SPRR2G: variants seen among roughly 807,000 people sequenced by gnomAD.
The protein encoded by SPRR2G is small proline-rich protein 2G.
SPRR2G carries 1 observed loss-of-function variant against 0.7 expected under a neutral mutation model. That is an observed-to-expected ratio of 1.49 (90% confidence interval 0.53 to 7.06). SPRR2G has a LOEUF of 7.06. Ranked by LOEUF, SPRR2G falls within the 30% of genes most tolerant of loss-of-function variation. SPRR2G has a pLI of 0.14. For missense variants in SPRR2G, 96 were observed against 88.5 expected, an observed-to-expected ratio of 1.09 and a Z score of -0.34; for synonymous variants, 38 against 33.9, an observed-to-expected ratio of 1.12 and a Z score of -0.42.
upstream of SPRR2G, among the ~76,000 whole-genome samples, chr1:153,154,418 T>C (rs1446982968): frequency 2.0e-5 from 3 of 152,132 alleles, no homozygotes; most frequent in East Asian, 5.8e-4. Flanking sequence ...AGTTTAATAA[T>C]AATTTATTAA....
At chr1:153,191,526 C>T in the SPRR2G span, 1 of 152,190 alleles carries the variant, frequency 6.6e-6, no homozygotes, top group Non-Finnish European at 1.5e-5. Flanking sequence ...ACACATTTTA[C>T]ATAAGTAGAT....
the SPRR2G span, among the ~76,000 whole-genome samples, chr1:153,162,217 T>C: frequency 0.47 from 71,624 of 151,876 alleles, 17,933 homozygotes; most frequent in Non-Finnish European, 0.57. Context: ...GTCCATGTGT[T>C]CTCATCATTT....
chr1:153,176,354 T>C, the SPRR2G span: 2 of 152,212 alleles, frequency 1.3e-5, no homozygotes, highest in African/African-American at 4.8e-5. Context: ...CCATTGTCCA[T>C]GTCTGCTTGT....
At position 153,149,726 on chromosome 1, in the gene SPRR2G, T is replaced by C. The variant is rs1656416353; in HGVS notation, c.*163A>G. 8.1e-6 allele frequency: 7 copies of C among 864,958 alleles called. No homozygotes were observed. Among genetic ancestry groups the C allele is most frequent in the Admixed American group, 4.5e-5 (2 of 44,252 alleles). 53.6% of individuals were successfully genotyped at this position (864,958 alleles called of 1,614,324 possible). On this transcript the variant is annotated 3_prime_UTR_variant, in exon 2 of 2. Coordinates refer to ENST00000368748, the MANE Select transcript of SPRR2G (RefSeq NM_001014291.4). ...TGGCTGCTCATCTTCCAACAACATA[T>C]CGGTTTTCAGAACTAAGCCTTTTCT...
At chr1:153,196,183 C>T in the SPRR2G span, among the ~76,000 whole-genome samples, 1 of 152,176 alleles carries the variant, frequency 6.6e-6, no homozygotes, top group South Asian at 2.1e-4. Context: ...ATTCATCTTA[C>T]TTAATTATTT....
the SPRR2G span, among the ~76,000 whole-genome samples, chr1:153,198,155 G>A: frequency 2.6e-5 from 4 of 152,052 alleles, no homozygotes; most frequent in South Asian, 2.1e-4. Context: ...GGGAGGACTC[G>A]GCTGGCAGAG....
the SPRR2G span, among the ~76,000 whole-genome samples, chr1:153,168,956 A>C: frequency 6.8e-6 from 1 of 147,088 alleles, no homozygotes; most frequent in South Asian, 2.3e-4. Flanking sequence ...GGCATGTTAG[A>C]TCATCAAATA....
chr1:153,181,141 T>C, the SPRR2G span, among the ~76,000 whole-genome samples: 4 of 152,192 alleles, frequency 2.6e-5, no homozygotes, highest in Non-Finnish European at 5.9e-5. Context: ...AAATCCAATT[T>C]GTCATTTTTC....
the SPRR2G span, among the ~76,000 whole-genome samples, chr1:153,200,063 A>G: frequency 1.3e-5 from 2 of 152,256 alleles, no homozygotes; most frequent in Admixed American, 1.3e-4. Flanking sequence ...ATATGCAGAC[A>G]TACAGGGCCT....
At chr1:153,176,455 T>G in the SPRR2G span, 82 of 152,298 alleles carry the variant, frequency 5.4e-4, no homozygotes, top group African/African-American at 1.9e-3. Context: ...TTGGAAACTT[T>G]TATCCTAGAT....
the SPRR2G span, among the ~76,000 whole-genome samples, chr1:153,182,386 T>G: frequency 6.6e-6 from 1 of 151,940 alleles, no homozygotes; most frequent in Admixed American, 6.6e-5. Flanking sequence ...TTTTTTTTTA[T>G]TATACTTAAA....
chr1:153,161,991 G>T, the SPRR2G span, among the ~76,000 whole-genome samples: 6 of 151,858 alleles, frequency 4.0e-5, no homozygotes, highest in Non-Finnish European at 5.9e-5. Context: ...TGGTGGTGGT[G>T]GTTGTTGTTG....
At chr1:153,159,937 G>T in the SPRR2G span, among the ~76,000 whole-genome samples, 18 of 152,304 alleles carry the variant, frequency 1.2e-4, no homozygotes, top group African/African-American at 3.6e-4. Flanking sequence ...TGAGATTTGG[G>T]TGGGTACACA....
chr1:153,162,841 A>C, the SPRR2G span, among the ~76,000 whole-genome samples: 1 of 152,176 alleles, frequency 6.6e-6, no homozygotes, highest in African/African-American at 2.4e-5. Flanking sequence ...TGAGCCCCTT[A>C]GGGCAGAGAT....
At chr1:153,182,025 T>G in the SPRR2G span, among the ~76,000 whole-genome samples, 2 of 152,158 alleles carry the variant, frequency 1.3e-5, no homozygotes, top group East Asian at 3.9e-4. Context: ...CTGTATTAAT[T>G]TGCATACCCA....
the SPRR2G span, among the ~76,000 whole-genome samples, chr1:153,160,765 C>T: frequency 6.6e-6 from 1 of 151,206 alleles, no homozygotes; most frequent in African/African-American, 2.5e-5. Context: ...GATTATAAAA[C>T]ATGCTGCTAT....
chr1:153,196,852 C>G, the SPRR2G span, among the ~76,000 whole-genome samples: 1 of 152,216 alleles, frequency 6.6e-6, no homozygotes, highest in African/African-American at 2.4e-5. Flanking sequence ...AAGACATCTG[C>G]CCCAGTGGGC....
upstream of SPRR2G, among the ~76,000 whole-genome samples, chr1:153,155,399 C>T (rs1053157855): frequency 9.9e-5 from 15 of 152,232 alleles, no homozygotes; most frequent in African/African-American, 3.6e-4. Flanking sequence ...ATCTAAACTC[C>T]TCATTCTGAC....
At chr1:153,163,458 A>G in the SPRR2G span, among the ~76,000 whole-genome samples, 3 of 152,130 alleles carry the variant, frequency 2.0e-5, no homozygotes, top group Admixed American at 2.0e-4. Flanking sequence ...GGTGATAGAG[A>G]CTTGACTATT....
Sources: allele counts gnomAD v4.1 joint callset (sites outside exome capture counted in the v4.1 genomes callset), GRCh38; gene constraint gnomAD v4.1.1; transcripts MANE v1.5; gene names NCBI Gene and HGNC (gene_info 2026-07-23, HGNC 2026-07-21).